The following JAM2 variants were observed in gnomAD, a reference collection of about 807,000 sequenced individuals.
JAM2 encodes the protein junctional adhesion molecule 2, also known as junctional adhesion molecule B.
JAM2 carries 17 observed loss-of-function variants against 42.0 expected under a neutral mutation model. The ratio of observed to expected loss-of-function variants is 0.40; its 90% CI spans 0.28 to 0.61. The LOEUF (loss-of-function observed/expected upper bound fraction) is 0.61. Ranked by LOEUF, JAM2 falls within the 20% of genes least tolerant of loss-of-function variation. The pLI, the probability that JAM2 is intolerant of heterozygous loss-of-function variation, is 0.37. For synonymous variants in JAM2, 118 were observed against 128.6 expected (o/e 0.92, Z 0.56); for missense variants, 319 against 358.3 (o/e 0.89, Z 0.89).
rs144830356 is a variant in JAM2 at position 25,654,123 on chromosome 21, A to G, written c.67+14235A>G. The stretch of plus-strand genomic sequence containing the variant: ...TTTAGGCATGTATGTGTAACCACAT[A>G]GCCTTAACTTAGAAGGAAAAGTTCT... On this transcript the variant is annotated intron_variant, in intron 1 of 9. Transcript: ENST00000480456. Among the ~76,000 whole-genome samples the G allele has an allele frequency of 6.9e-3, 1,048 of 152,362 alleles. 19 individuals carry two copies. Among genetic ancestry groups the G allele is most frequent in the African/African-American group, 0.024 (1,008 of 41,574 alleles).
chr21:25,681,309 A>T lies in JAM2; in HGVS notation c.68-2574A>T, dbSNP rs181675032. On this transcript the variant is annotated intron_variant, in intron 1 of 9. Coordinates refer to ENST00000480456, the MANE Select transcript of JAM2 (RefSeq NM_021219.4). ...CGAGACTGGGTACTTCATAAAGGAA[A>T]GAGGTTTAATTGACTCACAGTTCAG... 2.2e-4 allele frequency among the ~76,000 whole-genome samples: 33 copies of T among 152,336 alleles called. 1 individual carries two copies. Among genetic ancestry groups the T allele is most frequent in the African/African-American group, 7.9e-4 (33 of 41,576 alleles).
At chr21:25,694,014 G>T in intron 4 of JAM2, 106 bp downstream of exon 4, 1 of 1,061,812 alleles carries the variant, frequency 9.4e-7, no homozygotes, top group Non-Finnish European at 1.4e-6. Context: ...TCAACTGGGA[G>T]CCTCAACCAG....
Position 25,651,061 on chromosome 21 carries a change from C to CAA in JAM2, c.67+11194_67+11195dup, listed in dbSNP as rs35308745. Among the ~76,000 whole-genome samples the CAA allele has an allele frequency of 8.6e-3, 609 of 70,962 alleles. 5 individuals carry two copies. Among genetic ancestry groups the CAA allele is most frequent in the African/African-American group, 0.016 (297 of 19,052 alleles). The allele number at this position is 70,962 out of a possible 152,430, so 46.6% of individuals were successfully genotyped here. ...TAAATAAAACCATACCTCCCCCCGC[C>CAA]AAAAAAAAAAAAAAAAAAAAAACAA... is the stretch of plus-strand genomic sequence containing the variant. On this transcript the variant is annotated intron_variant, in intron 1 of 9. Coordinates refer to ENST00000480456, the MANE Select transcript of JAM2 (RefSeq NM_021219.4).
intron 1 of JAM2, among the ~76,000 whole-genome samples, chr21:25,653,468 G>A (rs1035840936): frequency 3.9e-5 from 6 of 152,156 alleles, no homozygotes; most frequent in Non-Finnish European, 5.9e-5. Flanking sequence ...AAGAAAAGAG[G>A]TTTAATTGAC....
chr21:25,660,455 T>G (rs192035568), intron 1 of JAM2, among the ~76,000 whole-genome samples: 7 of 152,126 alleles, frequency 4.6e-5, no homozygotes, highest in Non-Finnish European at 8.8e-5. Context: ...TACTGTGAAA[T>G]TTTATGGGAC....
chr21:25,664,045 C>A lies in JAM2; in HGVS notation c.68-19838C>A, dbSNP rs530725864. On this transcript the variant is annotated intron_variant, in intron 1 of 9. Transcript: ENST00000480456. ...CTCTACAACTTAATGTAGGAAAGAA[C>A]CCCACTATGATTCTCCAAGGAAACT... is the stretch of plus-strand genomic sequence containing the variant. Among the ~76,000 whole-genome samples the A allele has an allele frequency of 2.6e-5, 4 of 152,204 alleles. 1 individual carries two copies. The highest frequency in any genetic ancestry group is 9.6e-5 in the African/African-American group (4 of 41,518).
At chr21:25,673,908 C>T (rs1483300827) in intron 1 of JAM2, among the ~76,000 whole-genome samples, 1 of 152,174 alleles carries the variant, frequency 6.6e-6, no homozygotes, top group African/African-American at 2.4e-5. Context: ...GCAGTTTCCC[C>T]CATACTGTTT....
At position 25,693,936 on chromosome 21, in the gene JAM2, G is replaced by A. The variant is rs369008302; in HGVS notation, c.394+28G>A. On this transcript the variant is annotated intron_variant, in intron 4 of 9. Coordinates refer to ENST00000480456, the MANE Select transcript of JAM2 (RefSeq NM_021219.4). ...GATGTGCATGTATGTGTGTGACTACGTCTCCCACTCCTTCTCCACCACCCA... is the reference window on the plus strand; with the variant it reads ...GATGTGCATGTATGTGTGTGACTACATCTCCCACTCCTTCTCCACCACCCA... The A allele has an allele frequency of 9.3e-6, 15 of 1,606,708 alleles. No individual in the cohort carries two copies. In the African/African-American group the frequency reaches 1.3e-4, roughly 14 times the overall value.
intron 1 of JAM2, among the ~76,000 whole-genome samples, chr21:25,656,846 T>A (rs545601612): frequency 9.9e-5 from 15 of 152,224 alleles, no homozygotes; most frequent in Non-Finnish European, 8.8e-5. Context: ...TACAATTATA[T>A]ATATGTTCAA....
In JAM2 at chr21:25,697,072, C is replaced by T. The variant is rs1337670219; in HGVS notation, c.395-1605C>T. Among the ~76,000 whole-genome samples the T allele has an allele frequency of 6.6e-5, 10 of 150,898 alleles. 1 individual carries two copies. The highest frequency in any genetic ancestry group is 1.7e-4 in the African/African-American group (7 of 40,890). ...GTTTCCCAGGCTGGTCTCAAACTCC[C>T]GTCCTCAAGAGATCCTCCTGCCTTG... On this transcript the variant is annotated intron_variant, in intron 4 of 9. Transcript: ENST00000480456.
At chr21:25,697,927 G>GCACACA (rs35767783) in intron 4 of JAM2, among the ~76,000 whole-genome samples, 10 of 146,156 alleles carry the variant, frequency 6.8e-5, no homozygotes, top group Admixed American at 2.7e-4. Flanking sequence ...AAATCTATCT[G>GCACACA]CACACACACA....
chr21:25,668,085 A>G (rs188693099), intron 1 of JAM2, among the ~76,000 whole-genome samples: 180 of 152,308 alleles, frequency 1.2e-3, no homozygotes, highest in African/African-American at 4.2e-3. Flanking sequence ...CAGATGGAGG[A>G]AACAGCCAGA....
In JAM2 at chr21:25,681,898, C is replaced by T. The variant is rs143657475; in HGVS notation, c.68-1985C>T. 5.4e-3 allele frequency among the ~76,000 whole-genome samples: 821 copies of T among 152,248 alleles called. 7 individuals are homozygous for T. The highest frequency in any genetic ancestry group is 0.019 in the African/African-American group (783 of 41,546). On this transcript the variant is annotated intron_variant, in intron 1 of 9. Coordinates refer to ENST00000480456, the MANE Select transcript of JAM2 (RefSeq NM_021219.4). ...TCCCAAGGCTGAGGCAGGAGAATGG[C>T]GTGAACCCGGGAGGCGGAGCTGGTA...
At chr21:25,707,578 T>A (rs1382268098) in intron 7 of JAM2, among the ~76,000 whole-genome samples, 1 of 152,204 alleles carries the variant, frequency 6.6e-6, no homozygotes, top group African/African-American at 2.4e-5. Context: ...TTCTTCAAAT[T>A]TAGACCTCTT....
chr21:25,702,878 G>C (rs1232939211), intron 6 of JAM2, among the ~76,000 whole-genome samples: 2 of 151,992 alleles, frequency 1.3e-5, no homozygotes, highest in Non-Finnish European at 2.9e-5. Context: ...TTTGAGACAG[G>C]GTCTTTGTCT....
chr21:25,712,206 T>C (rs752720041), intron 8 of JAM2, 134 bp from the exon 9 acceptor site: 3 of 697,168 alleles, frequency 4.3e-6, no homozygotes, highest in African/African-American at 1.8e-5. Flanking sequence ...AGAATTGTCT[T>C]TTTTTCTACC....
intron 1 of JAM2, among the ~76,000 whole-genome samples, chr21:25,657,078 G>A (rs1197372184): frequency 6.6e-6 from 1 of 152,132 alleles, no homozygotes; most frequent in Admixed American, 6.6e-5. Context: ...TTTCTTTTCA[G>A]AGAACAATGG....
chr21:25,658,072 A>G (rs1365749284), intron 1 of JAM2, among the ~76,000 whole-genome samples: 1 of 152,190 alleles, frequency 6.6e-6, no homozygotes, highest in East Asian at 1.9e-4. Flanking sequence ...TTTGCCCCTT[A>G]CATATAGACT....
intron 1 of JAM2, among the ~76,000 whole-genome samples, chr21:25,681,959 G>C (rs2033642957): frequency 6.6e-6 from 1 of 152,192 alleles, no homozygotes. Flanking sequence ...TCCAGCCTGG[G>C]TGACAGAGCG....
Sources: allele counts gnomAD v4.1 joint callset (sites outside exome capture counted in the v4.1 genomes callset), GRCh38; gene constraint gnomAD v4.1.1; transcripts MANE v1.5; gene names NCBI Gene and HGNC (gene_info 2026-07-23, HGNC 2026-07-21).